Variants in ILDR2 observed in about 807,000 individuals in gnomAD.
The protein encoded by ILDR2 is immunoglobulin like domain containing receptor 2, also known as immunoglobulin-like domain-containing receptor 2.
ILDR2 carries 25 observed loss-of-function variants against 66.8 expected under a neutral mutation model. That is an observed-to-expected ratio of 0.37 (90% CI 0.27 to 0.52). The LOEUF is 0.52. Among genes scored for constraint, ILDR2 ranks in the 20% least tolerant of loss-of-function variants. The pLI is 0.88. For missense variants in ILDR2, 827 were observed against 876.8 expected (o/e 0.94, Z 0.72); for synonymous variants, 367 against 357.2 (o/e 1.03, Z -0.31).
chr1:166,899,478 T>C lies in ILDR2; in HGVS notation n.172-3377A>G, dbSNP rs530051605. Among the ~76,000 whole-genome samples, 10 of 152,244 alleles carry C rather than the reference T, an allele frequency of 6.6e-5. 1 individual carries two copies. The South Asian group carries it at 1.2e-3, about 19-fold the overall frequency. ...TTTACAGTCTGGGGGAATTTGAACATACACGTGCTAACCAAATTCTTTGGT... is the reference window on the plus strand; with the variant it reads ...TTTACAGTCTGGGGGAATTTGAACACACACGTGCTAACCAAATTCTTTGGT... On this transcript the variant is annotated intron_variant and non_coding_transcript_variant, in intron 2 of 2. Coordinates refer to the ILDR2 transcript ENST00000414590.
At position 166,917,611 on chromosome 1, in the gene ILDR2, A is replaced by T. The variant is rs1416869955; in HGVS notation, c.*1744T>A. ...GTCAACAATAGTGGAGGCTATGAGA[A>T]ACACAAGTTTGGATGGATTAAGAGG... is the stretch of plus-strand genomic sequence containing the variant. On this transcript the variant is annotated 3_prime_UTR_variant, in exon 10 of 10. Transcript: ENST00000271417. 6.6e-6 allele frequency: 1 copy of T among 152,260 alleles called. No homozygotes were observed. Among genetic ancestry groups the T allele is most frequent in the Non-Finnish European group, 1.5e-5 (1 of 68,048 alleles). 9.4% of individuals were successfully genotyped at this position (152,260 alleles called of 1,614,324 possible).
At chr1:166,968,145 A>G (rs1031069500) in intron 1 of ILDR2, among the ~76,000 whole-genome samples, 9 of 152,190 alleles carry the variant, frequency 5.9e-5, no homozygotes. Context: ...CAGGAGCACA[A>G]AAGCTCCTTT....
chr1:166,956,947 G>C, intron 2 of ILDR2, 95 bp from the exon 3 acceptor site: 1 of 1,279,170 alleles, frequency 7.8e-7, no homozygotes, highest in Non-Finnish European at 1.1e-6. Flanking sequence ...AACCTTCTGG[G>C]GTATCTGCAG....
At chr1:166,954,428 A>C (rs982850364) in intron 3 of ILDR2, among the ~76,000 whole-genome samples, 7 of 152,176 alleles carry the variant, frequency 4.6e-5, no homozygotes, top group African/African-American at 1.7e-4. Context: ...ACTCAGAAAA[A>C]TTTTTGTAGA....
At position 166,921,785 on chromosome 1, in the gene ILDR2, G is replaced by C. The variant is rs531704203; in HGVS notation, c.1212-406C>G. On this transcript the variant is annotated intron_variant, in intron 8 of 9. Transcript: ENST00000271417. This position sits in a 1 kb window ranked among gnomAD's most constrained non-coding sequence, Gnocchi z 5.3. ...TCCCTGTAATGTGTGGTGACACACA[G>C]AGAGGCCTTTTCTTCCCTCAGAGCC... Among the ~76,000 whole-genome samples, 1 of 152,322 alleles carries C rather than the reference G, an allele frequency of 6.6e-6. No individual in the cohort carries two copies. The highest frequency in any genetic ancestry group is 1.9e-4 in the East Asian group (1 of 5,174).
Position 166,920,601 on chromosome 1 carries a change from C to T in ILDR2, c.1884+106G>A, listed in dbSNP as rs952944066. The stretch of plus-strand genomic sequence containing the variant: ...CCCCTGCGGCCTCTCCGGCAAGGAC[C>T]CTCCCGCCTCGCCACCTCCCCGGCC... On this transcript the variant is annotated intron_variant, in intron 9 of 9. Coordinates refer to ENST00000271417, the MANE Select transcript of ILDR2 (RefSeq NM_199351.3). 22 of 1,248,188 alleles carry T rather than the reference C, an allele frequency of 1.8e-5. No homozygotes were observed. In the Admixed American group the frequency reaches 2.9e-4, roughly 16 times the overall value. 77.3% of individuals were successfully genotyped at this position (1,248,188 alleles called of 1,614,324 possible).
Position 166,936,643 on chromosome 1 carries a change from G to A in ILDR2, c.651C>T (p.Cys217=), listed in dbSNP as rs778533721. ...CWCQCCPHSC[C]CYVRCPCCPD... is the part of the protein sequence containing the mutation. ...GGCAGCATGGGCAGCGGACATAGCA[G>A]CAGCAGCTGTGAGGGCAGCACTGGC... Residue 217 remains cysteine (C), a synonymous_variant, in exon 5 of 10, where the codon TGC becomes TGT. Coordinates refer to ENST00000271417, the MANE Select transcript of ILDR2 (RefSeq NM_199351.3). This position sits in a 1 kb window ranked among gnomAD's most constrained non-coding sequence, Gnocchi z 5.0. 134 of 1,613,820 alleles carry A rather than the reference G, an allele frequency of 8.3e-5. No individual in the cohort carries two copies. Among genetic ancestry groups the A allele is most frequent in the Non-Finnish European group, 1.1e-4 (127 of 1,179,834 alleles).
chr1:166,909,770 A>AATATATAAATAT lies in ILDR2; in HGVS notation c.*9584_*9585insATATTTATATAT, dbSNP rs1659430300. 1.5e-5 allele frequency: 1 copy of AATATATAAATAT among 66,240 alleles called. No individual in the cohort carries two copies. The highest frequency in any genetic ancestry group is 7.4e-5 in the African/African-American group (1 of 13,534). The allele number at this position is 66,240 out of a possible 1,614,324, so 4.1% of individuals were successfully genotyped here. ...ATATATATATATATAAATATATATA[A>AATATATAAATAT]ATATATATATTTATATATATATATA... is the stretch of plus-strand genomic sequence containing the variant. On this transcript the variant is annotated 3_prime_UTR_variant, in exon 10 of 10. Transcript: ENST00000271417.
rs1659403176 is a variant in ILDR2, at chr1:166,908,913, T to G, written c.*10442A>C. The G allele has an allele frequency of 6.6e-6, 1 of 152,238 alleles. No individual in the cohort carries two copies. Among genetic ancestry groups the G allele is most frequent in the African/African-American group, 2.4e-5 (1 of 41,448 alleles). 9.4% of individuals were successfully genotyped at this position (152,238 alleles called of 1,614,324 possible). On this transcript the variant is annotated 3_prime_UTR_variant, in exon 10 of 10. Transcript: ENST00000271417. ...GAAAGGCTGGTTGTTCAGGGCTCTG[T>G]GGCTGCAGATAAAGAATCTTTTCGG... is the stretch of plus-strand genomic sequence containing the variant.
downstream of ILDR2, among the ~76,000 whole-genome samples, chr1:166,906,295 T>C (rs532404918): frequency 6.6e-6 from 1 of 152,340 alleles, no homozygotes; most frequent in African/African-American, 2.4e-5. Context: ...TAGATCATTT[T>C]GTGTTTATGC....
Position 166,912,405 on chromosome 1 carries a change from A to G in ILDR2, c.*6950T>C, listed in dbSNP as rs1429953170. 3 of 152,174 alleles carry G rather than the reference A, an allele frequency of 2.0e-5. No individual in the cohort carries two copies. Among genetic ancestry groups the G allele is most frequent in the South Asian group, 2.1e-4 (1 of 4,830 alleles). The allele number at this position is 152,174 out of a possible 1,614,324, so 9.4% of individuals were successfully genotyped here. A position where few individuals can be genotyped will look rare whatever the true frequency, so the allele number is the denominator to read the frequency against. ...TCAAAAGGAAGATCTGAAATATAGGAAAAAAAGATGTGTAGAAAAAACACG... is the reference window on the plus strand; with the variant it reads ...TCAAAAGGAAGATCTGAAATATAGGGAAAAAAGATGTGTAGAAAAAACACG... On this transcript the variant is annotated 3_prime_UTR_variant, in exon 10 of 10. Coordinates refer to ENST00000271417, the MANE Select transcript of ILDR2 (RefSeq NM_199351.3).
At chr1:166,954,310 T>C (rs941397109) in intron 3 of ILDR2, among the ~76,000 whole-genome samples, 3 of 152,098 alleles carry the variant, frequency 2.0e-5, no homozygotes, top group African/African-American at 7.2e-5. Context: ...AATCCCAAAA[T>C]AAGAAATTTT....
At position 166,921,046 on chromosome 1, in the gene ILDR2, G is replaced by C; in HGVS notation, c.1545C>G (p.Ser515Arg). The change falls in exon 9 of 10, where the codon AGC becomes AGG. Residue 515 changes from serine (S) to arginine (R), a missense_variant. By Grantham distance (110) the Ser-to-Arg change is moderately radical. Transcript: ENST00000271417. The surrounding 1 kb of genome is among the most constrained non-coding windows in gnomAD (Gnocchi z 5.3). ...AEDAHLPRLV[S>R]RTPGTAPKYD... ...ATTTGGGTGCGGTGCCTGGCGTGCG[G>C]CTCACCAGCCGCGGCAGGTGCGCGT... 6.7e-7 allele frequency: 1 copy of C among 1,503,422 alleles called. No individual in the cohort carries two copies. The highest frequency in any genetic ancestry group is 8.8e-7 in the Non-Finnish European group (1 of 1,136,970). The allele number at this position is 1,503,422 out of a possible 1,614,324, so 93.1% of individuals were successfully genotyped here. A position where few individuals can be genotyped will look rare whatever the true frequency, so the allele number is the denominator to read the frequency against.
At chr1:166,953,055 G>A (rs1662076902) in intron 3 of ILDR2, among the ~76,000 whole-genome samples, 1 of 152,048 alleles carries the variant, frequency 6.6e-6, no homozygotes, top group Admixed American at 6.6e-5. Context: ...GACACATATT[G>A]TTTTTTTGGC....
intron 9 of ILDR2, among the ~76,000 whole-genome samples, chr1:166,919,763 C>G (rs1476183801): frequency 6.6e-6 from 1 of 152,184 alleles, no homozygotes; most frequent in East Asian, 1.9e-4. Flanking sequence ...ATAAAATACA[C>G]TGAATTCCTT....
In ILDR2 at chr1:166,943,810, G is replaced by T. The variant is rs938225570; in HGVS notation, c.500-4240C>A. 3 of 984,970 alleles carry T rather than the reference G, an allele frequency of 3.0e-6. No individual in the cohort carries two copies. In the African/African-American group the frequency reaches 5.2e-5, roughly 17 times the overall value. The allele number at this position is 984,970 out of a possible 1,614,324, so 61.0% of individuals were successfully genotyped here. ...ATCGCTGTCATTCTTCCAGGATTCA[G>T]TTTAAGAGTGGCAATTACAAGTCAC... On this transcript the variant is annotated intron_variant, in intron 3 of 9. Transcript: ENST00000271417.
At chr1:166,945,813 T>C (rs2101937837) in intron 3 of ILDR2, among the ~76,000 whole-genome samples, 1 of 152,370 alleles carries the variant, frequency 6.6e-6, no homozygotes, top group East Asian at 1.9e-4. Flanking sequence ...TCTTTAAACT[T>C]ATTAAGTTGG....
chr1:166,924,676 A>T (rs990945041), intron 7 of ILDR2, among the ~76,000 whole-genome samples: 1 of 152,190 alleles, frequency 6.6e-6, no homozygotes, highest in Non-Finnish European at 1.5e-5. Flanking sequence ...GATGCAACAT[A>T]AGTGAATTGG....
intron 2 of ILDR2, among the ~76,000 whole-genome samples, chr1:166,901,057 T>C (rs1026751585): frequency 6.6e-6 from 1 of 152,174 alleles, no homozygotes; most frequent in Non-Finnish European, 1.5e-5. Context: ...AAAGCCCCAA[T>C]AGCTTTATAG....
Sources: allele counts gnomAD v4.1 joint callset (sites outside exome capture counted in the v4.1 genomes callset), GRCh38; gene constraint gnomAD v4.1.1; non-coding constraint Gnocchi (gnomAD v3.1); transcripts MANE v1.5; gene names NCBI Gene and HGNC (gene_info 2026-07-23, HGNC 2026-07-21).